Variants in IL10RB observed in about 807,000 individuals in gnomAD.
The protein encoded by IL10RB is interleukin-10 receptor subunit beta.
In IL10RB, 30 loss-of-function variants were observed where a neutral mutation model predicts 38.7. The observed-to-expected ratio is 0.78, with a 90% confidence interval of 0.58 to 1.05. The LOEUF (loss-of-function observed/expected upper bound fraction) is 1.05. Among genes scored for constraint, IL10RB ranks in the 50% least tolerant of loss-of-function variants. The probability of loss-of-function intolerance (pLI) is 0.00; values close to 1 mark genes in which losing one functional copy is unlikely to be tolerated. For synonymous variants in IL10RB, 142 were observed against 145.9 expected (o/e 0.97, Z 0.19); for missense variants, 328 against 397.1 (o/e 0.83, Z 1.48).
intron 2 of IL10RB, among the ~76,000 whole-genome samples, chr21:33,276,290 A>C (rs1191683236): frequency 6.6e-6 from 1 of 152,190 alleles, no homozygotes; most frequent in Non-Finnish European, 1.5e-5. Context: ...AATCATTGTA[A>C]TATCTTTATT....
intron 4 of IL10RB, among the ~76,000 whole-genome samples, chr21:33,282,643 G>A (rs1384584769): frequency 6.6e-6 from 1 of 152,030 alleles, no homozygotes; most frequent in East Asian, 1.9e-4. Context: ...GTGCAGTGTG[G>A]GGTGATCCTG....
chr21:33,279,741 C>T lies in IL10RB; in HGVS notation c.332-11C>T, dbSNP rs531765635. On this transcript the variant is annotated splice_polypyrimidine_tract_variant and intron_variant, in intron 3 of 6. Coordinates refer to ENST00000290200, the MANE Select transcript of IL10RB (RefSeq NM_000628.5). ...ATTTTTGATTGTCATTTTGCTTGTTCTTCTGCTTAGCCATTATTGGACCCC... is the reference window on the plus strand; with the variant it reads ...ATTTTTGATTGTCATTTTGCTTGTTTTTCTGCTTAGCCATTATTGGACCCC... 176 of 1,612,166 alleles carry T rather than the reference C, an allele frequency of 1.1e-4. 2 individuals are homozygous for T. In the South Asian group the frequency reaches 1.9e-3, roughly 17 times the overall value.
At chr21:33,266,542 C>T in intron 1 of IL10RB, 28 bp downstream of exon 1, 1 of 1,539,968 alleles carries the variant, frequency 6.5e-7, no homozygotes, top group Non-Finnish European at 8.7e-7. Context: ...AGGGGGCGCG[C>T]TTGGGAACCG....
intron 1 of IL10RB, among the ~76,000 whole-genome samples, chr21:33,307,187 C>G (rs1224660769): frequency 6.6e-6 from 1 of 152,172 alleles, no homozygotes; most frequent in Non-Finnish European, 1.5e-5. Flanking sequence ...GCTAATCCAC[C>G]ATGTTGACTT....
At chr21:33,307,352 C>G (rs1026033201) in intron 1 of IL10RB, among the ~76,000 whole-genome samples, 7 of 152,152 alleles carry the variant, frequency 4.6e-5, no homozygotes, top group African/African-American at 1.4e-4. Context: ...AGCAGTCTTG[C>G]CTGTTCTGGA....
chr21:33,288,318 T>A, intron 6 of IL10RB, 57 bp downstream of exon 6: 2 of 1,531,380 alleles, frequency 1.3e-6, no homozygotes. Flanking sequence ...AGAGCTTTCC[T>A]TTCTAGTTAG....
intron 1 of IL10RB, among the ~76,000 whole-genome samples, chr21:33,304,222 C>A (rs1343791015): frequency 6.6e-6 from 1 of 152,198 alleles, no homozygotes; most frequent in Non-Finnish European, 1.5e-5. Context: ...GAAGAAGAGC[C>A]CTCCCAGGGG....
At chr21:33,292,916 G>C (rs872709) in intron 6 of IL10RB, among the ~76,000 whole-genome samples, 3 of 152,154 alleles carry the variant, frequency 2.0e-5, no homozygotes, top group African/African-American at 7.2e-5. Flanking sequence ...TCCTGCCTGG[G>C]GCCCCTCCGT....
intron 1 of IL10RB, among the ~76,000 whole-genome samples, chr21:33,303,121 A>C (rs2123613564): frequency 6.6e-6 from 1 of 152,282 alleles, no homozygotes; most frequent in South Asian, 2.1e-4. Context: ...GGAGCCACGA[A>C]GACATTGTTA....
chr21:33,267,510 G>GTTTGT (rs1753253328), intron 1 of IL10RB, among the ~76,000 whole-genome samples: 3 of 73,998 alleles, frequency 4.1e-5, no homozygotes, highest in Non-Finnish European at 9.2e-5. Context: ...TTGTTTTTTT[G>GTTTGT]TTTTTTTGTT....
At chr21:33,286,931 G>A (rs907716544) in intron 5 of IL10RB, among the ~76,000 whole-genome samples, 5 of 152,100 alleles carry the variant, frequency 3.3e-5, no homozygotes, top group African/African-American at 9.7e-5. Context: ...TCAGGGAAGT[G>A]AAAAAAATTT....
intron 6 of IL10RB, among the ~76,000 whole-genome samples, chr21:33,290,419 A>G (rs568225176): frequency 6.6e-6 from 1 of 152,364 alleles, no homozygotes; most frequent in Admixed American, 6.5e-5. Context: ...AGCCATGTGA[A>G]AAAACAAGTG....
chr21:33,291,589 A>G (rs971043956), intron 6 of IL10RB, among the ~76,000 whole-genome samples: 4 of 152,210 alleles, frequency 2.6e-5, no homozygotes, highest in African/African-American at 9.6e-5. Flanking sequence ...TTGTAGGAAC[A>G]GAATTCAACA....
chr21:33,284,473 C>T (rs1279351188), intron 5 of IL10RB, among the ~76,000 whole-genome samples: 1 of 152,166 alleles, frequency 6.6e-6, no homozygotes, highest in Non-Finnish European at 1.5e-5. Flanking sequence ...CCATTTAAAT[C>T]CCACAAGTTT....
intron 6 of IL10RB, among the ~76,000 whole-genome samples, chr21:33,292,752 C>T (rs1487074514): frequency 2.6e-5 from 4 of 152,172 alleles, no homozygotes; most frequent in Non-Finnish European, 4.4e-5. Flanking sequence ...TAAACTCCAC[C>T]CAGCATCTTT....
intron 1 of IL10RB, chr21:33,308,526 A>T (rs2083004254): frequency 6.6e-6 from 1 of 152,266 alleles, no homozygotes; most frequent in Admixed American, 6.5e-5. Context: ...CTATAGAAGT[A>T]GAAAATTCTA....
chr21:33,282,493 C>T (rs1440149433), intron 4 of IL10RB, among the ~76,000 whole-genome samples: 1 of 152,164 alleles, frequency 6.6e-6, no homozygotes, highest in Non-Finnish European at 1.5e-5. Context: ...CATGATCGTG[C>T]CACTGCACTC....
Position 33,296,568 on chromosome 21 carries a change from A to G in IL10RB, c.*211A>G. 1 of 683,722 alleles carries G rather than the reference A, an allele frequency of 1.5e-6. No homozygotes were observed. The highest frequency in any genetic ancestry group is 2.0e-5 in the Admixed American group (1 of 49,344). 42.4% of individuals were successfully genotyped at this position (683,722 alleles called of 1,614,324 possible). On this transcript the variant is annotated 3_prime_UTR_variant, in exon 7 of 7. Transcript: ENST00000290200. The stretch of plus-strand genomic sequence containing the variant: ...TCCATTTGGGAACTCACTGCCTTAT[A>G]AAGGCTTTCATGATGTTTTCAGAAG...
chr21:33,301,300 A>G (rs371661356), downstream of IL10RB, among the ~76,000 whole-genome samples: 14 of 151,940 alleles, frequency 9.2e-5, no homozygotes, highest in African/African-American at 3.4e-4. Flanking sequence ...CCACCTCACC[A>G]CTCCTGTTTG....
Sources: gnomAD v4.1 joint callset for allele counts (sites outside exome capture counted in the v4.1 genomes callset) on GRCh38, gnomAD v4.1.1 for gene constraint, MANE v1.5 for transcripts, NCBI Gene and HGNC (gene_info 2026-07-23, HGNC 2026-07-21) for gene names.